FOXP1: variants seen among roughly 807,000 people sequenced by gnomAD.
The protein encoded by FOXP1 is forkhead box protein P1.
A neutral mutation model predicts 98.2 loss-of-function variants in FOXP1; 15 were observed. The observed-to-expected ratio is 0.15, with a 90% confidence interval of 0.10 to 0.24. The LOEUF (loss-of-function observed/expected upper bound fraction) is 0.24. Among genes scored for constraint, FOXP1 ranks in the 10% least tolerant of loss-of-function variants. The probability of loss-of-function intolerance (pLI) is 1.00; values close to 1 mark genes in which losing one functional copy is unlikely to be tolerated. For missense variants in FOXP1, 633 were observed against 848.5 expected (o/e 0.75, Z 3.15); for synonymous variants, 371 against 314.5 (o/e 1.18, Z -1.90).
chr3:71,071,335 C>T (rs1428051011), intron 7 of FOXP1, among the ~76,000 whole-genome samples: 1 of 152,174 alleles, frequency 6.6e-6, no homozygotes, highest in African/African-American at 2.4e-5. Context: ...TTCCAGACAG[C>T]TCCAAGTACT....
chr3:71,421,362 T>G (rs1264507886), intron 3 of FOXP1, among the ~76,000 whole-genome samples: 1 of 152,218 alleles, frequency 6.6e-6, no homozygotes, highest in Non-Finnish European at 1.5e-5. Flanking sequence ...GTATGCCCTG[T>G]TCGTAATTTC....
chr3:71,377,735 TTTG>T (rs2079828714), intron 3 of FOXP1, among the ~76,000 whole-genome samples: 1 of 152,194 alleles, frequency 6.6e-6, no homozygotes, highest in Non-Finnish European at 1.5e-5. Flanking sequence ...AAAAAACAAC[TTTG>T]TTTTAAGAAG....
chr3:71,399,952 T>C (rs2081836802), intron 3 of FOXP1, among the ~76,000 whole-genome samples: 1 of 152,180 alleles, frequency 6.6e-6, no homozygotes, highest in Admixed American at 6.5e-5. Flanking sequence ...AATCCCAAGA[T>C]AATTAAAATG....
intron 3 of FOXP1, among the ~76,000 whole-genome samples, chr3:71,411,408 G>A (rs1365487446): frequency 1.3e-5 from 2 of 152,018 alleles, no homozygotes; most frequent in East Asian, 3.9e-4. Context: ...TCCGCCTCCC[G>A]GGTTCAAGCT....
At chr3:71,480,469 G>A (rs953693178) in intron 3 of FOXP1, among the ~76,000 whole-genome samples, 25 of 152,214 alleles carry the variant, frequency 1.6e-4, no homozygotes, top group African/African-American at 6.0e-4. Flanking sequence ...TTAGGAAGTA[G>A]GTTAAGAACA....
intron 1 of FOXP1, 21 bp downstream of exon 1, chr3:71,583,550 A>C: frequency 1.0e-6 from 1 of 982,624 alleles, no homozygotes; most frequent in Non-Finnish European, 1.2e-6. Context: ...GTGGAGCAGA[A>C]ATGGAAAAAT....
intron 5 of FOXP1, among the ~76,000 whole-genome samples, chr3:71,224,075 C>T (rs1036826170): frequency 2.6e-5 from 4 of 152,194 alleles, no homozygotes; most frequent in Non-Finnish European, 4.4e-5. Flanking sequence ...TTAAGATTAA[C>T]GAGTTGTACC....
intron 19 of FOXP1, chr3:70,966,424 T>C (rs1489748676): frequency 3.1e-6 from 1 of 320,890 alleles, no homozygotes; most frequent in Non-Finnish European, 6.1e-6. Flanking sequence ...AGAATTTTTA[T>C]TTCTTTATCC....
At chr3:71,363,084 A>ATATATATATATATATT (rs1227211046) in intron 3 of FOXP1, among the ~76,000 whole-genome samples, 4 of 152,200 alleles carry the variant, frequency 2.6e-5, no homozygotes, top group Admixed American at 2.0e-4. Context: ...GGGTGATTAT[A>ATATATATATATATATT]ATCCTAAAAT....
At chr3:71,285,262 G>A (rs561719144) in intron 5 of FOXP1, among the ~76,000 whole-genome samples, 17 of 152,304 alleles carry the variant, frequency 1.1e-4, no homozygotes, top group African/African-American at 3.8e-4. Flanking sequence ...ACGTCACATA[G>A]GAGGCAGTCA....
chr3:71,136,811 A>T (rs1283640583), intron 6 of FOXP1, among the ~76,000 whole-genome samples: 1 of 32,592 alleles, frequency 3.1e-5, no homozygotes, highest in African/African-American at 5.3e-5. Flanking sequence ...TTTCTCTGAG[A>T]AATACAACAA....
chr3:71,134,534 C>A (rs763290038), intron 6 of FOXP1, among the ~76,000 whole-genome samples: 1 of 152,088 alleles, frequency 6.6e-6, no homozygotes, highest in African/African-American at 2.4e-5. Context: ...CAAGGAAATA[C>A]TGCCAAACAG....
intron 12 of FOXP1, among the ~76,000 whole-genome samples, chr3:71,012,997 A>G (rs2043884978): frequency 6.6e-6 from 1 of 152,212 alleles, no homozygotes; most frequent in Non-Finnish European, 1.5e-5. Context: ...TTATGAATAT[A>G]TTTATATGAT....
chr3:71,014,751 T>A (rs940991866), intron 12 of FOXP1, among the ~76,000 whole-genome samples: 1 of 152,142 alleles, frequency 6.6e-6, no homozygotes, highest in African/African-American at 2.4e-5. Context: ...CAAATGTCCA[T>A]CAATGATAGA....
chr3:71,570,863 GC>G (rs748142498), intron 2 of FOXP1: 1 of 152,232 alleles, frequency 6.6e-6, no homozygotes, highest in Non-Finnish European at 1.5e-5. Flanking sequence ...GCTGGTAAGA[GC>G]CAACGTGGAC....
intron 19 of FOXP1, among the ~76,000 whole-genome samples, chr3:70,967,559 A>G (rs1228535759): frequency 6.6e-6 from 1 of 151,940 alleles, no homozygotes. Flanking sequence ...ACACTCTCCT[A>G]CAGTGTGTCA....
At chr3:71,254,991 C>A (rs1003672662) in intron 5 of FOXP1, among the ~76,000 whole-genome samples, 2 of 152,172 alleles carry the variant, frequency 1.3e-5, no homozygotes, top group Middle Eastern at 3.2e-3. Flanking sequence ...CACCTCACAG[C>A]AATAACCAAT....
chr3:71,087,262 G>A (rs950345677), intron 7 of FOXP1, among the ~76,000 whole-genome samples: 5 of 152,134 alleles, frequency 3.3e-5, no homozygotes, highest in Admixed American at 3.3e-4. Flanking sequence ...TTCTTTGTTG[G>A]GTGGGTCAGA....
At chr3:71,461,450 T>C (rs2108540447) in intron 3 of FOXP1, among the ~76,000 whole-genome samples, 1 of 152,276 alleles carries the variant, frequency 6.6e-6, no homozygotes, top group Admixed American at 6.5e-5. Flanking sequence ...GCCATGATCG[T>C]ATCACTGTGT....
Sources: gnomAD v4.1 joint callset for allele counts (sites outside exome capture counted in the v4.1 genomes callset) on GRCh38, gnomAD v4.1.1 for gene constraint, MANE v1.5 for transcripts, NCBI Gene and HGNC (gene_info 2026-07-23, HGNC 2026-07-21) for gene names.